ARHGEF10: variants seen among roughly 807,000 people sequenced by gnomAD.
ARHGEF10 encodes Rho guanine nucleotide exchange factor 10, also known as Rho guanine nucleotide exchange factor (GEF) 10.
A neutral mutation model predicts 147.4 loss-of-function variants in ARHGEF10; 140 were observed. The ratio of observed to expected loss-of-function variants is 0.95; its 90% CI spans 0.83 to 1.09. The LOEUF (loss-of-function observed/expected upper bound fraction) is 1.09. Ranked by LOEUF, ARHGEF10 falls within the 50% of genes least tolerant of loss-of-function variation. The pLI, the probability that ARHGEF10 is intolerant of heterozygous loss-of-function variation, is 0.00. For missense variants in ARHGEF10, 2,222 were observed against 1,752.7 expected (o/e 1.27, Z -4.78); for synonymous variants, 902 against 695.8 (o/e 1.30, Z -4.67).
At chr8:1,893,763 C>T in intron 12 of ARHGEF10, 117 bp downstream of exon 12, 2 of 755,868 alleles carry the variant, frequency 2.6e-6, no homozygotes, top group East Asian at 2.7e-5. Context: ...TGCAAATTTG[C>T]AAAATTCTCA....
intron 26 of ARHGEF10, among the ~76,000 whole-genome samples, chr8:1,941,613 A>AT (rs989021567): frequency 2.6e-5 from 4 of 152,072 alleles, no homozygotes; most frequent in Non-Finnish European, 4.4e-5. Flanking sequence ...TGACAAGCAC[A>AT]TCCTGAGATT....
intron 2 of ARHGEF10, 146 bp downstream of exon 2, chr8:1,843,582 G>A (rs772675527): frequency 4.9e-4 from 350 of 710,566 alleles, no homozygotes; most frequent in Non-Finnish European, 7.7e-4. Context: ...AGGTTCTGAC[G>A]TGAGCCTGGG....
At chr8:1,931,489 T>C (rs1172857456) in intron 25 of ARHGEF10, among the ~76,000 whole-genome samples, 1 of 152,248 alleles carries the variant, frequency 6.6e-6, no homozygotes, top group Non-Finnish European at 1.5e-5. Context: ...GCATGATCTG[T>C]AACTGAGATC....
chr8:1,843,323 G>A lies in ARHGEF10; in HGVS notation c.-47-30G>A, dbSNP rs1401821243. 15 of 1,579,106 alleles carry A rather than the reference G, an allele frequency of 9.5e-6. 1 individual carries two copies. Among genetic ancestry groups the A allele is most frequent in the South Asian group, 3.4e-5 (3 of 89,512 alleles). ...TGAGTGCATGTTTATCCACCTGAACGGTGACAAGCAGTGTCTCTCCTTCTT... is the reference window on the plus strand; with the variant it reads ...TGAGTGCATGTTTATCCACCTGAACAGTGACAAGCAGTGTCTCTCCTTCTT... On this transcript the variant is annotated intron_variant, in intron 1 of 28. Coordinates refer to ENST00000349830, the MANE Select transcript of ARHGEF10 (RefSeq NM_014629.4).
In ARHGEF10 at chr8:1,958,092, G is replaced by A. The variant is rs567062621; in HGVS notation, c.*829G>A. On this transcript the variant is annotated 3_prime_UTR_variant, in exon 29 of 29. Coordinates refer to ENST00000349830, the MANE Select transcript of ARHGEF10 (RefSeq NM_014629.4). ...AAGTGTGTGCTTTAGTATTAGAGGA[G>A]ATAGGCAGAGAAGTCTTGCTTAGTT... 1 of 152,340 alleles carries A rather than the reference G, an allele frequency of 6.6e-6. No homozygotes were observed. Among genetic ancestry groups the A allele is most frequent in the Admixed American group, 6.5e-5 (1 of 15,296 alleles). The allele number at this position is 152,340 out of a possible 1,614,324, so 9.4% of individuals were successfully genotyped here. A position where few individuals can be genotyped will look rare whatever the true frequency, so the allele number is the denominator to read the frequency against.
intron 11 of ARHGEF10, among the ~76,000 whole-genome samples, chr8:1,888,493 A>AGGGTTGT (rs1808996874): frequency 2.6e-5 from 3 of 113,648 alleles, no homozygotes; most frequent in Admixed American, 8.3e-5. Flanking sequence ...GAGTGGGGTA[A>AGGGTTGT]GAAGTCTGTG....
intron 27 of ARHGEF10, among the ~76,000 whole-genome samples, chr8:1,949,315 A>G (rs1354940613): frequency 2.0e-5 from 3 of 152,224 alleles, no homozygotes; most frequent in Non-Finnish European, 4.4e-5. Flanking sequence ...AAAACCATTT[A>G]GCTCACGTTC....
chr8:1,915,150 A>C (rs1811663664), intron 18 of ARHGEF10, among the ~76,000 whole-genome samples: 1 of 152,168 alleles, frequency 6.6e-6, no homozygotes, highest in Non-Finnish European at 1.5e-5. Flanking sequence ...GTATGCTGAG[A>C]AAGGCCTTCA....
intron 24 of ARHGEF10, among the ~76,000 whole-genome samples, chr8:1,928,889 T>A (rs1812893701): frequency 6.6e-6 from 1 of 152,212 alleles, no homozygotes. Flanking sequence ...AAGGGGACAG[T>A]TTGGCTGTTT....
chr8:1,890,694 T>G (rs1809457140), intron 11 of ARHGEF10, among the ~76,000 whole-genome samples: 1 of 133,264 alleles, frequency 7.5e-6, no homozygotes. Flanking sequence ...AGACACTGAG[T>G]GGGTCACGGG....
intron 11 of ARHGEF10, among the ~76,000 whole-genome samples, chr8:1,891,210 C>T (rs926588561): frequency 1.3e-5 from 2 of 152,144 alleles, no homozygotes; most frequent in Non-Finnish European, 2.9e-5. Context: ...TTCTTTCATG[C>T]AGCTTTCTTT....
chr8:1,887,800 G>T (rs1217145217), intron 11 of ARHGEF10, among the ~76,000 whole-genome samples: 1 of 149,510 alleles, frequency 6.7e-6, no homozygotes, highest in African/African-American at 2.5e-5. Flanking sequence ...TGGAGTAAGG[G>T]TTGTGGGGAG....
At position 1,948,464 on chromosome 8, in the gene ARHGEF10, T is replaced by C. The variant is rs961297637; in HGVS notation, c.3397+2809T>C. Among the ~76,000 whole-genome samples the C allele has an allele frequency of 1.3e-5, 2 of 152,210 alleles. No individual in the cohort carries two copies. Among genetic ancestry groups the C allele is most frequent in the African/African-American group, 4.8e-5 (2 of 41,452 alleles). On this transcript the variant is annotated intron_variant, in intron 27 of 28. Coordinates refer to ENST00000349830, the MANE Select transcript of ARHGEF10 (RefSeq NM_014629.4). The surrounding 1 kb of genome is among the most constrained non-coding windows in gnomAD (Gnocchi z 4.9). ...TCACTGATTTCTGGGGTACACTGAC[T>C]GCTTTACCCACATTCAGTTCTCTGC...
intron 1 of ARHGEF10, chr8:1,826,117 C>G: frequency 6.3e-7 from 1 of 1,594,612 alleles, no homozygotes; most frequent in Non-Finnish European, 8.5e-7. Context: ...ACAGATGAGA[C>G]CTCCAGGATT....
chr8:1,950,856 A>G (rs1814985631), intron 27 of ARHGEF10, among the ~76,000 whole-genome samples: 1 of 150,784 alleles, frequency 6.6e-6, no homozygotes, highest in Admixed American at 6.7e-5. Flanking sequence ...CTGGGATTAC[A>G]GGCATGAGCC....
chr8:1,833,315 A>AGCAGTGAGAAG (rs1803365680), intron 1 of ARHGEF10, among the ~76,000 whole-genome samples: 1 of 122,398 alleles, frequency 8.2e-6, no homozygotes. Context: ...CAGAGACAGA[A>AGCAGTGAGAAG]GCAGAGGGAG....
intron 1 of ARHGEF10, among the ~76,000 whole-genome samples, chr8:1,833,252 CGAGACA>C (rs1227920174): frequency 4.2e-5 from 3 of 71,048 alleles, no homozygotes; most frequent in African/African-American, 1.2e-4. Context: ...AGACAGAGGC[CGAGACA>C]GAGGCAGAGG....
rs370987879 is a variant in ARHGEF10, at chr8:1,840,095, C to G, written c.-47-3258C>G. Among the ~76,000 whole-genome samples the G allele has an allele frequency of 2.6e-4, 19 of 74,328 alleles. No homozygotes were observed. The East Asian group carries it at 5.1e-3, about 20-fold the overall frequency. The allele number at this position is 74,328 out of a possible 152,430, so 48.8% of individuals were successfully genotyped here. A position where few individuals can be genotyped will look rare whatever the true frequency, so the allele number is the denominator to read the frequency against. ...GAAGCTGTCTGGTGTGGGGACTGTC[C>G]GGTGTGGAATCTGTCCGGTGTGGGG... On this transcript the variant is annotated intron_variant, in intron 1 of 28. Transcript: ENST00000349830.
intron 18 of ARHGEF10, among the ~76,000 whole-genome samples, chr8:1,921,692 G>A (rs1812300253): frequency 6.6e-6 from 1 of 151,992 alleles, no homozygotes; most frequent in Non-Finnish European, 1.5e-5. Context: ...CTGAGATCGT[G>A]CCATCGCACT....
Sources: allele counts gnomAD v4.1 joint callset (sites outside exome capture counted in the v4.1 genomes callset), GRCh38; gene constraint gnomAD v4.1.1; non-coding constraint Gnocchi (gnomAD v3.1); transcripts MANE v1.5; gene names NCBI Gene and HGNC (gene_info 2026-07-23, HGNC 2026-07-21).